DNAH8: variants seen among roughly 807,000 people sequenced by gnomAD.
DNAH8 encodes the protein dynein axonemal heavy chain 8.
DNAH8 carries 382 observed loss-of-function variants against 562.1 expected under a neutral mutation model. That is an observed-to-expected ratio of 0.68 (90% CI 0.63 to 0.74). The LOEUF is 0.74. Ranked by LOEUF, DNAH8 falls within the 30% of genes least tolerant of loss-of-function variation. DNAH8 has a pLI of 0.00. For missense variants in DNAH8, 5,203 were observed against 5,620.4 expected (o/e 0.93, Z 2.37); for synonymous variants, 1,881 against 1,919.4 (o/e 0.98, Z 0.52).
intron 91 of DNAH8, among the ~76,000 whole-genome samples, chr6:39,019,591 GA>G (rs1419207430): frequency 2.6e-5 from 4 of 152,232 alleles, no homozygotes; most frequent in African/African-American, 9.6e-5. Flanking sequence ...AGACGTGAGA[GA>G]GGGGGGCATT....
chr6:39,009,492 AC>A (rs1478779288), intron 89 of DNAH8, among the ~76,000 whole-genome samples: 1 of 152,174 alleles, frequency 6.6e-6, no homozygotes, highest in African/African-American at 2.4e-5. Flanking sequence ...GAATATAAGC[AC>A]CCTGTTACCA....
At chr6:38,909,850 G>A (rs1292724475) in intron 65 of DNAH8, 106 bp downstream of exon 65, 12 of 902,622 alleles carry the variant, frequency 1.3e-5, no homozygotes, top group East Asian at 2.6e-5. Flanking sequence ...CATTGAGCAC[G>A]AGCTGTATTT....
chr6:38,944,883 C>T (rs542667127), intron 79 of DNAH8, among the ~76,000 whole-genome samples: 245 of 152,132 alleles, frequency 1.6e-3, no homozygotes, highest in African/African-American at 5.6e-3. Flanking sequence ...ATCATTTCCT[C>T]CTTCACTTCC....
In DNAH8 at chr6:38,756,036, G is replaced by A. The variant is rs1326800915; in HGVS notation, c.1472G>A (p.Arg491Lys). The A allele has an allele frequency of 1.9e-6, 3 of 1,609,888 alleles. No homozygotes were observed. Among genetic ancestry groups the A allele is most frequent in the East Asian group, 2.2e-5 (1 of 44,758 alleles). Reference sequence around the variant, plus strand: ...ATCAGAATGATTCACGGTGTGTCAAGGTATTATAATACCTCAGAGAGAATG... The same window carrying A: ...ATCAGAATGATTCACGGTGTGTCAAAGTATTATAATACCTCAGAGAGAATG... The part of the protein sequence containing the change: ...NAIRMIHGVS[R>K]YYNTSERMTS... Residue 491 changes from arginine to lysine, a missense_variant, in exon 10 of 93, where the codon AGG becomes AAG. Coordinates refer to ENST00000327475, the MANE Select transcript of DNAH8 (RefSeq NM_001206927.2).
chr6:38,909,850 G>T (rs1292724475), intron 65 of DNAH8, 106 bp downstream of exon 65: 5 of 902,628 alleles, frequency 5.5e-6, no homozygotes, highest in Non-Finnish European at 8.5e-6. Flanking sequence ...CATTGAGCAC[G>T]AGCTGTATTT....
At position 38,864,027 on chromosome 6, in the gene DNAH8, T is replaced by G. The variant is rs775880026; in HGVS notation, c.6465T>G (p.Asp2155Glu). The change falls in exon 45 of 93, where the codon GAT becomes GAG. Residue 2155 changes from aspartate (D) to glutamate (E), a missense_variant. Physicochemically the swap from Asp to Glu is conservative, Grantham distance 45. Coordinates refer to ENST00000327475, the MANE Select transcript of DNAH8 (RefSeq NM_001206927.2). ...QFIFSDGDCV[D>E]LNPEFGIFLT... is the part of the protein sequence containing the mutation. ...TTTTTTCTGATGGTGATTGTGTTGA[T>G]TTAAATCCAGAATTTGGAATCTTCT... is the stretch of plus-strand genomic sequence containing the variant. 6.2e-7 allele frequency: 1 copy of G among 1,608,050 alleles called. No homozygotes were observed. Among genetic ancestry groups the G allele is most frequent in the Non-Finnish European group, 8.5e-7 (1 of 1,178,752 alleles).
chr6:38,762,974 GATC>G (rs1203673855), intron 11 of DNAH8: 2 of 359,926 alleles, frequency 5.6e-6, no homozygotes, highest in African/African-American at 4.4e-5. Context: ...GAAGAATCAG[GATC>G]ATTATGCAGT....
intron 32 of DNAH8, among the ~76,000 whole-genome samples, chr6:38,835,454 T>C (rs1774201546): frequency 6.6e-6 from 1 of 152,144 alleles, no homozygotes; most frequent in Non-Finnish European, 1.5e-5. Context: ...GCAAGTGCGA[T>C]GAGAGCTGTG....
intron 26 of DNAH8, among the ~76,000 whole-genome samples, chr6:38,817,646 G>A (rs1241085917): frequency 1.3e-5 from 2 of 152,156 alleles, no homozygotes; most frequent in African/African-American, 4.8e-5. Flanking sequence ...AGAGCTTCAA[G>A]TAGTATACCT....
At chr6:38,908,556 A>G (rs1056236582) in intron 64 of DNAH8, among the ~76,000 whole-genome samples, 6 of 152,006 alleles carry the variant, frequency 3.9e-5, no homozygotes, top group Non-Finnish European at 5.9e-5. Context: ...TCTACTTACT[A>G]TTTGGTTTAT....
At chr6:38,778,973 C>T (rs1269488996) in intron 14 of DNAH8, among the ~76,000 whole-genome samples, 2 of 152,186 alleles carry the variant, frequency 1.3e-5, no homozygotes, top group African/African-American at 2.4e-5. Context: ...ATAACACATT[C>T]ATCATCTCAC....
At position 38,823,690 on chromosome 6, in the gene DNAH8, T is replaced by A; in HGVS notation, c.3847+2T>A. On this transcript the variant is annotated splice_donor_variant, in intron 28 of 92. Transcript: ENST00000327475. LOFTEE classifies it high-confidence loss of function. ...TAGGAGCACTTGAATTACATACAGG[T>A]ATTTTAAAAATGTTTATTATGTAAA... 1 of 1,586,208 alleles carries A rather than the reference T, an allele frequency of 6.3e-7. No individual in the cohort carries two copies. Among genetic ancestry groups the A allele is most frequent in the Non-Finnish European group, 8.6e-7 (1 of 1,161,738 alleles).
intron 32 of DNAH8, among the ~76,000 whole-genome samples, chr6:38,837,284 G>C (rs1450395456): frequency 2.0e-5 from 3 of 152,134 alleles, no homozygotes; most frequent in Non-Finnish European, 4.4e-5. Context: ...GGAATTTAGG[G>C]TTCTCGGGAA....
chr6:38,998,373 T>C (rs903573466), intron 88 of DNAH8, among the ~76,000 whole-genome samples: 3 of 152,212 alleles, frequency 2.0e-5, no homozygotes, highest in Non-Finnish European at 4.4e-5. Context: ...TACCAAAGAC[T>C]CTGCAAATTC....
chr6:38,734,669 A>G (rs1763944374), intron 5 of DNAH8, 44 bp downstream of exon 5: 15 of 1,592,972 alleles, frequency 9.4e-6, no homozygotes, highest in Non-Finnish European at 1.3e-5. Flanking sequence ...AACATTGAAT[A>G]TATTTTTGTA....
chr6:38,973,686 G>T lies in DNAH8; in HGVS notation c.12551G>T (p.Cys4184Phe). ...QQGGWVLLQNCHLGLEFMEEL... is the reference protein window; with the variant it reads ...QQGGWVLLQNFHLGLEFMEEL... ...GGTGGTTGGGTATTACTACAAAATTGCCACCTTGGCCTGGAATTCATGGAA... is the reference window on the plus strand; with the variant it reads ...GGTGGTTGGGTATTACTACAAAATTTCCACCTTGGCCTGGAATTCATGGAA... The change falls in exon 84 of 93, where the codon TGC (cysteine) becomes TTC (phenylalanine). Residue 4184 changes from cysteine to phenylalanine, a missense_variant. Coordinates refer to ENST00000327475, the MANE Select transcript of DNAH8 (RefSeq NM_001206927.2). 6.2e-7 allele frequency: 1 copy of T among 1,602,476 alleles called. No individual in the cohort carries two copies. Among genetic ancestry groups the T allele is most frequent in the South Asian group, 1.1e-5 (1 of 88,548 alleles).
intron 74 of DNAH8, among the ~76,000 whole-genome samples, chr6:38,928,713 A>G (rs543164921): frequency 1.3e-5 from 2 of 152,176 alleles, no homozygotes; most frequent in African/African-American, 4.8e-5. Context: ...GTCTGCACCC[A>G]CAATAGCCTA....
chr6:38,992,898 G>A (rs961279050), intron 88 of DNAH8, among the ~76,000 whole-genome samples: 1 of 151,892 alleles, frequency 6.6e-6, no homozygotes, highest in African/African-American at 2.4e-5. Context: ...ACATTCATAC[G>A]CTCCATCGAG....
rs767762938 is a variant in DNAH8 at position 38,778,469 on chromosome 6, T to G, written c.2039+5T>G. On this transcript the variant is annotated splice_donor_5th_base_variant and intron_variant, in intron 14 of 92. Transcript: ENST00000327475. ...GGCTCTTCAGCTACTTCAAAGGTAT[T>G]CATAACACTTTAAGCAGAGTAGTTT... 2.9e-5 allele frequency: 45 copies of G among 1,549,740 alleles called. No individual in the cohort carries two copies. In the Admixed American group the frequency reaches 4.5e-4, roughly 16 times the overall value.
Sources: gnomAD v4.1 joint callset for allele counts (sites outside exome capture counted in the v4.1 genomes callset) on GRCh38, gnomAD v4.1.1 for gene constraint, MANE v1.5 for transcripts, NCBI Gene and HGNC (gene_info 2026-07-23, HGNC 2026-07-21) for gene names.